PAG1: variants seen among roughly 807,000 people sequenced by gnomAD.
PAG1 encodes phosphoprotein membrane anchor with glycosphingolipid microdomains 1.
In PAG1, 23 loss-of-function variants were observed where a neutral mutation model predicts 31.7. The observed-to-expected ratio is 0.73, with a 90% CI of 0.52 to 1.03. The LOEUF (loss-of-function observed/expected upper bound fraction) is 1.03, where lower values mean the gene tolerates loss of function less well. Among genes scored for constraint, PAG1 ranks in the 50% least tolerant of loss-of-function variants. The pLI is 0.00. For synonymous variants in PAG1, 214 were observed against 210.3 expected (o/e 1.02, Z -0.15); for missense variants, 473 against 540.7 (o/e 0.87, Z 1.24).
At chr8:81,026,851 T>A (rs1231381266) in intron 3 of PAG1, among the ~76,000 whole-genome samples, 1 of 152,068 alleles carries the variant, frequency 6.6e-6, no homozygotes. Flanking sequence ...CCCTCAGTAA[T>A]CCTTAACTCA....
chr8:81,010,459 T>G (rs904894766), intron 3 of PAG1, among the ~76,000 whole-genome samples: 1 of 152,222 alleles, frequency 6.6e-6, no homozygotes, highest in Admixed American at 6.5e-5. Flanking sequence ...TAGCATTATT[T>G]TTAAGCATTT....
intron 6 of PAG1, 60 bp from the exon 7 acceptor site, chr8:80,985,437 G>T: frequency 6.6e-7 from 1 of 1,504,394 alleles, no homozygotes; most frequent in African/African-American, 1.4e-5. Flanking sequence ...TTATTACCGA[G>T]AATCAGGTAA....
intron 2 of PAG1, among the ~76,000 whole-genome samples, chr8:81,030,928 T>C (rs1476532657): frequency 6.6e-6 from 1 of 152,220 alleles, no homozygotes. Context: ...AAAGAACGGC[T>C]GTGTTTATGC....
chr8:81,042,738 A>C (rs1808575040), intron 2 of PAG1, among the ~76,000 whole-genome samples: 1 of 152,094 alleles, frequency 6.6e-6, no homozygotes, highest in African/African-American at 2.4e-5. Flanking sequence ...AATGAAGAGA[A>C]GGGGTAAAGA....
chr8:81,052,447 T>C (rs529786960), intron 2 of PAG1, among the ~76,000 whole-genome samples: 11 of 145,658 alleles, frequency 7.6e-5, no homozygotes, highest in African/African-American at 2.9e-4. Flanking sequence ...TTTTTTCTTC[T>C]AAGTATTTCA....
At position 81,111,752 on chromosome 8, in the gene PAG1, C is replaced by G. The variant is rs1586227201; in HGVS notation, c.-395G>C. ...ACCAGTCGCCTTGGCTCAGCTGTGC[C>G]GGGCGCCGGGCATTCGCCAGGGCAC... On this transcript the variant is annotated 5_prime_UTR_variant, in exon 1 of 9. Coordinates refer to ENST00000220597, the MANE Select transcript of PAG1 (RefSeq NM_018440.4). 6.6e-6 allele frequency: 1 copy of G among 152,334 alleles called. No individual in the cohort carries two copies. Among genetic ancestry groups the G allele is most frequent in the East Asian group, 1.9e-4 (1 of 5,154 alleles). The allele number at this position is 152,334 out of a possible 1,614,324, so 9.4% of individuals were successfully genotyped here.
At chr8:80,986,133 C>A (rs1363492077) in intron 6 of PAG1, among the ~76,000 whole-genome samples, 1 of 152,118 alleles carries the variant, frequency 6.6e-6, no homozygotes, top group Non-Finnish European at 1.5e-5. Flanking sequence ...GATGCAGACA[C>A]AAAGTAAGCA....
intron 2 of PAG1, among the ~76,000 whole-genome samples, chr8:81,064,355 C>T (rs1243137057): frequency 6.6e-6 from 1 of 152,138 alleles, no homozygotes; most frequent in Non-Finnish European, 1.5e-5. Context: ...GCTGGCCCAC[C>T]ACTCACCTCC....
intron 1 of PAG1, among the ~76,000 whole-genome samples, chr8:81,111,109 A>C (rs963533620): frequency 6.6e-6 from 1 of 152,214 alleles, no homozygotes; most frequent in Non-Finnish European, 1.5e-5. Flanking sequence ...TCCCTAAAGG[A>C]CTAGGCTCCA....
At chr8:81,043,867 T>C (rs1808596610) in intron 2 of PAG1, among the ~76,000 whole-genome samples, 1 of 152,360 alleles carries the variant, frequency 6.6e-6, no homozygotes, top group Non-Finnish European at 1.5e-5. Context: ...TCAATTCATT[T>C]CTTTTAGTAC....
chr8:81,010,783 C>T (rs1001899068), intron 3 of PAG1, among the ~76,000 whole-genome samples: 1 of 152,230 alleles, frequency 6.6e-6, no homozygotes, highest in African/African-American at 2.4e-5. Context: ...GGCAGGTGGA[C>T]CCAACCATTC....
At chr8:81,029,150 G>C (rs996460059) in intron 3 of PAG1, among the ~76,000 whole-genome samples, 3 of 152,170 alleles carry the variant, frequency 2.0e-5, no homozygotes, top group African/African-American at 7.2e-5. Flanking sequence ...ACTGAGCAGC[G>C]ACAGGGGAAC....
chr8:80,976,315 G>T lies in PAG1; in HGVS notation c.*229C>A. 1 of 506,036 alleles carries T rather than the reference G, an allele frequency of 2.0e-6. No homozygotes were observed. Among genetic ancestry groups the T allele is most frequent in the Non-Finnish European group, 3.5e-6 (1 of 284,216 alleles). The allele number at this position is 506,036 out of a possible 1,614,324, so 31.3% of individuals were successfully genotyped here. A position where few individuals can be genotyped will look rare whatever the true frequency, so the allele number is the denominator to read the frequency against. On this transcript the variant is annotated 3_prime_UTR_variant, in exon 9 of 9. Transcript: ENST00000220597. ...GAGGGTGCAGCAGGGAGATGTGCTT[G>T]GGTGTACCTGTCCATCTGGCAGGCA...
At chr8:80,999,017 C>G (rs991693014) in intron 3 of PAG1, among the ~76,000 whole-genome samples, 2 of 152,188 alleles carry the variant, frequency 1.3e-5, no homozygotes, top group African/African-American at 2.4e-5. Flanking sequence ...GCGGAGGAAG[C>G]AGATTCTTTG....
At chr8:81,068,876 G>C (rs1419852236) in intron 2 of PAG1, among the ~76,000 whole-genome samples, 2 of 152,172 alleles carry the variant, frequency 1.3e-5, no homozygotes, top group Admixed American at 6.5e-5. Flanking sequence ...AGATTCTTGA[G>C]TTAAATCTTC....
chr8:80,971,614 C>T lies in PAG1; in HGVS notation c.*4930G>A, dbSNP rs930057085. On this transcript the variant is annotated 3_prime_UTR_variant, in exon 9 of 9. Transcript: ENST00000220597. ...TTTAAAAAATACCCACAGTATATAA[C>T]TGGCAAGCCAAAAAAACTTCCTGTA... is the stretch of plus-strand genomic sequence containing the variant. 6.6e-6 allele frequency: 1 copy of T among 152,164 alleles called. No individual in the cohort carries two copies. The highest frequency in any genetic ancestry group is 2.4e-5 in the African/African-American group (1 of 41,444). The allele number at this position is 152,164 out of a possible 1,614,324, so 9.4% of individuals were successfully genotyped here. A position where few individuals can be genotyped will look rare whatever the true frequency, so the allele number is the denominator to read the frequency against.
chr8:81,035,248 A>G, intron 2 of PAG1, among the ~76,000 whole-genome samples: 1 of 152,176 alleles, frequency 6.6e-6, no homozygotes, highest in East Asian at 1.9e-4. Flanking sequence ...ACCAACACAG[A>G]CTATGAGACC....
At chr8:81,061,691 T>C (rs1233076192) in intron 2 of PAG1, among the ~76,000 whole-genome samples, 2 of 152,132 alleles carry the variant, frequency 1.3e-5, no homozygotes, top group African/African-American at 4.8e-5. Flanking sequence ...GATGGGGTCT[T>C]AGCACCTTGT....
chr8:81,044,128 A>G (rs142549521), intron 2 of PAG1, among the ~76,000 whole-genome samples: 157 of 152,312 alleles, frequency 1.0e-3, no homozygotes, highest in African/African-American at 3.7e-3. Context: ...GCAAATATTA[A>G]CACTTGACTT....
Sources: allele counts gnomAD v4.1 joint callset (sites outside exome capture counted in the v4.1 genomes callset), GRCh38; gene constraint gnomAD v4.1.1; transcripts MANE v1.5; gene names NCBI Gene and HGNC (gene_info 2026-07-23, HGNC 2026-07-21).